Variants in ARPP21 observed in about 807,000 individuals in gnomAD.
The protein encoded by ARPP21 is cAMP regulated phosphoprotein 21.
In ARPP21, 69 loss-of-function variants were observed where a neutral mutation model predicts 113.2. That is an observed-to-expected ratio of 0.61 (90% CI 0.50 to 0.74). The LOEUF (loss-of-function observed/expected upper bound fraction) is 0.74, where lower values mean the gene tolerates loss of function less well. Ranked by LOEUF, ARPP21 falls within the 30% of genes least tolerant of loss-of-function variation. The pLI is 0.00. For missense variants in ARPP21, 1,070 were observed against 1,037.4 expected (o/e 1.03, Z -0.43); for synonymous variants, 368 against 375.5 (o/e 0.98, Z 0.23).
intron 17 of ARPP21, among the ~76,000 whole-genome samples, 179 bp from the exon 18 acceptor site, chr3:35,739,138 T>G (rs749351223): frequency 3.3e-5 from 5 of 152,246 alleles, no homozygotes; most frequent in African/African-American, 7.2e-5. Flanking sequence ...AAACCTGATT[T>G]GTCATGTTGT....
At chr3:35,783,886 T>G (rs914433859) in intron 19 of ARPP21, among the ~76,000 whole-genome samples, 7 of 152,204 alleles carry the variant, frequency 4.6e-5, no homozygotes, top group Non-Finnish European at 7.3e-5. Context: ...CTGATCCTTA[T>G]GTTTATGCCT....
chr3:35,706,007 A>G (rs534738761), intron 9 of ARPP21, among the ~76,000 whole-genome samples: 2 of 152,314 alleles, frequency 1.3e-5, no homozygotes, highest in East Asian at 1.9e-4. Context: ...CTCATATTAC[A>G]CAACAGACAC....
chr3:35,645,078 A>G (rs1207679753), intron 1 of ARPP21, among the ~76,000 whole-genome samples: 1 of 151,924 alleles, frequency 6.6e-6, no homozygotes, highest in Admixed American at 6.6e-5. Flanking sequence ...TCAGTCATAA[A>G]TTCATACATT....
intron 13 of ARPP21, 129 bp downstream of exon 13, chr3:35,717,486 C>A: frequency 1.6e-6 from 1 of 617,212 alleles, no homozygotes; most frequent in Non-Finnish European, 2.9e-6. Flanking sequence ...CTTTGTAAAG[C>A]TTGTTAAATA....
chr3:35,794,108 T>C lies in ARPP21; in HGVS notation c.*150T>C. ...TCTGTAAAAAATAAACAAAGACTAA[T>C]ATACACGTTAGCTGGTTAATGGTGC... On this transcript the variant is annotated 3_prime_UTR_variant, in exon 21 of 21. Transcript: ENST00000684406. 1 of 707,808 alleles carries C rather than the reference T, an allele frequency of 1.4e-6. No homozygotes were observed. The highest frequency in any genetic ancestry group is 2.3e-6 in the Non-Finnish European group (1 of 425,990). 43.8% of individuals were successfully genotyped at this position (707,808 alleles called of 1,614,324 possible).
intron 12 of ARPP21, among the ~76,000 whole-genome samples, chr3:35,716,956 C>T (rs980654218): frequency 6.6e-6 from 1 of 151,880 alleles, no homozygotes; most frequent in Non-Finnish European, 1.5e-5. Flanking sequence ...TTCATTATGC[C>T]AAAATATGAA....
intron 1 of ARPP21, among the ~76,000 whole-genome samples, chr3:35,645,964 T>C (rs1479388037): frequency 6.6e-6 from 1 of 152,036 alleles, no homozygotes; most frequent in African/African-American, 2.4e-5. Context: ...AAGAACAAAA[T>C]TGAACATCAA....
intron 1 of ARPP21, among the ~76,000 whole-genome samples, chr3:35,653,051 A>G (rs1348639120): frequency 6.6e-6 from 1 of 152,070 alleles, no homozygotes; most frequent in Non-Finnish European, 1.5e-5. Flanking sequence ...CCTTTGGATT[A>G]TGTTTGATCA....
intron 15 of ARPP21, among the ~76,000 whole-genome samples, chr3:35,733,629 A>G (rs1576418644): frequency 6.6e-6 from 1 of 152,174 alleles, no homozygotes; most frequent in African/African-American, 2.4e-5. Flanking sequence ...GAAATCATGG[A>G]ATATAGAGAG....
intron 19 of ARPP21, among the ~76,000 whole-genome samples, chr3:35,789,719 C>A (rs768013433): frequency 6.6e-6 from 1 of 152,206 alleles, no homozygotes; most frequent in African/African-American, 2.4e-5. Flanking sequence ...AAGACGAATT[C>A]TGCTCTCACA....
intron 1 of ARPP21, among the ~76,000 whole-genome samples, chr3:35,667,516 G>A (rs2074688687): frequency 6.6e-6 from 1 of 152,028 alleles, no homozygotes; most frequent in East Asian, 1.9e-4. Flanking sequence ...TAACTTATGT[G>A]AGAGAGGGTT....
At chr3:35,778,501 C>T (rs545287140) in intron 19 of ARPP21, among the ~76,000 whole-genome samples, 1 of 152,174 alleles carries the variant, frequency 6.6e-6, no homozygotes, top group Non-Finnish European at 1.5e-5. Flanking sequence ...TTGCTAACTG[C>T]TCCTAACACT....
At chr3:35,727,201 GAACACTTGTGACAGGCCATGGT>G (rs2093601876) in intron 14 of ARPP21, among the ~76,000 whole-genome samples, 2 of 152,170 alleles carry the variant, frequency 1.3e-5, no homozygotes, top group South Asian at 4.1e-4. Context: ...GCCCAACTGA[GAACACTTGTGACAGGCCATGGT>G]ATATGCATAC....
chr3:35,705,497 A>G (rs1488878415), intron 9 of ARPP21, among the ~76,000 whole-genome samples: 1 of 152,160 alleles, frequency 6.6e-6, no homozygotes, highest in Admixed American at 6.6e-5. Flanking sequence ...ATTTACATTG[A>G]AAAGTAGGAT....
intron 15 of ARPP21, among the ~76,000 whole-genome samples, chr3:35,733,940 A>G (rs2094170678): frequency 6.6e-6 from 1 of 152,238 alleles, no homozygotes; most frequent in Non-Finnish European, 1.5e-5. Flanking sequence ...TTATCAAAAG[A>G]CACATGAATA....
At chr3:35,709,566 C>G (rs1181839680) in intron 11 of ARPP21, among the ~76,000 whole-genome samples, 1 of 152,044 alleles carries the variant, frequency 6.6e-6, no homozygotes, top group Middle Eastern at 3.2e-3. Context: ...TTTTTCTCCT[C>G]AATTTCAAAT....
At chr3:35,664,847 AACCG>A (rs563540486) in intron 1 of ARPP21, among the ~76,000 whole-genome samples, 244 of 152,240 alleles carry the variant, frequency 1.6e-3, no homozygotes, top group Non-Finnish European at 1.2e-3. Flanking sequence ...TCTGAGCTGG[AACCG>A]ACTCCAGGCT....
intron 5 of ARPP21, chr3:35,684,772 T>C: frequency 4.1e-6 from 4 of 985,274 alleles, no homozygotes; most frequent in Non-Finnish European, 4.8e-6. Context: ...CAAAAATAAA[T>C]TCCTAATAGA....
intron 19 of ARPP21, 94 bp downstream of exon 19, chr3:35,744,059 T>C (rs1332309786): frequency 2.2e-5 from 29 of 1,328,566 alleles, no homozygotes; most frequent in Non-Finnish European, 2.8e-5. Context: ...CTTGGCAATT[T>C]AAACCAGCAC....
Sources: gnomAD v4.1 joint callset for allele counts (sites outside exome capture counted in the v4.1 genomes callset) on GRCh38, gnomAD v4.1.1 for gene constraint, MANE v1.5 for transcripts, NCBI Gene and HGNC (gene_info 2026-07-23, HGNC 2026-07-21) for gene names.